Variants in TGS1 observed in about 807,000 individuals in gnomAD.
The protein encoded by TGS1 is trimethylguanosine synthase.
In TGS1, 69 loss-of-function variants were observed where a neutral mutation model predicts 92.2. That is an observed-to-expected ratio of 0.75 (90% CI 0.62 to 0.91). The LOEUF (loss-of-function observed/expected upper bound fraction) is 0.91, where lower values mean the gene tolerates loss of function less well. Among genes scored for constraint, TGS1 ranks in the 40% least tolerant of loss-of-function variants. The pLI is 0.00. For missense variants in TGS1, 1,062 were observed against 1,001.2 expected, an observed-to-expected ratio of 1.06 and a Z score of -0.82; for synonymous variants, 345 against 338.1, an observed-to-expected ratio of 1.02 and a Z score of -0.22.
In TGS1 at chr8:55,824,859, T is replaced by C. The variant is rs1803749184; in HGVS notation, c.*156T>C. The C allele has an allele frequency of 1.3e-6, 1 of 741,690 alleles. No homozygotes were observed. The highest frequency in any genetic ancestry group is 3.1e-5 in the Admixed American group (1 of 31,878). The allele number at this position is 741,690 out of a possible 1,614,324, so 45.9% of individuals were successfully genotyped here. A position where few individuals can be genotyped will look rare whatever the true frequency, so the allele number is the denominator to read the frequency against. ...ACAGGACTTAAATATCAGTGAAATA[T>C]TTTGAGATCTTTGAATAATTCCTTT... On this transcript the variant is annotated 3_prime_UTR_variant, in exon 13 of 13. Coordinates refer to ENST00000260129, the MANE Select transcript of TGS1 (RefSeq NM_024831.8).
At chr8:55,822,484 G>GA (rs1438563837) in intron 12 of TGS1, among the ~76,000 whole-genome samples, 1 of 151,218 alleles carries the variant, frequency 6.6e-6, no homozygotes, top group Non-Finnish European at 1.5e-5. Context: ...TCAACTCAAA[G>GA]AAAAATTATT....
chr8:55,786,588 T>C lies in TGS1; in HGVS notation c.690T>C (p.Phe230=), dbSNP rs1811719938. 2.5e-6 allele frequency: 4 copies of C among 1,614,214 alleles called. No homozygotes were observed. The highest frequency in any genetic ancestry group is 1.7e-6 in the Non-Finnish European group (2 of 1,180,032). Residue 230 remains phenylalanine, a synonymous_variant, in exon 4 of 13, where the codon TTT becomes TTC. Coordinates refer to ENST00000260129, the MANE Select transcript of TGS1 (RefSeq NM_024831.8). ...CACTATCTTCTGAACCTTGGAACTT[T>C]CCTGATACAAAGGAAGAATGGGAGC... ...GQALSSEPWN[F]PDTKEEWEQH...
intron 8 of TGS1, 134 bp downstream of exon 8, chr8:55,799,354 G>A (rs1563460540): frequency 6.0e-6 from 5 of 840,320 alleles, no homozygotes; most frequent in East Asian, 5.3e-5. Flanking sequence ...AGTGAGAGAA[G>A]GCATATTAAG....
chr8:55,810,995 C>A lies in TGS1; in HGVS notation c.2258C>A (p.Ser753Tyr), dbSNP rs1280575863. The A allele has an allele frequency of 1.1e-5, 18 of 1,614,012 alleles. No homozygotes were observed. The highest frequency in any genetic ancestry group is 1.5e-5 in the Non-Finnish European group (18 of 1,180,028). ...FICGDFLLLA[S>Y]FLKADVVFLS... ...TGTGGAGATTTCTTGCTGCTGGCTT[C>A]TTTTTTAAAGGCTGATGTTGTGTTC... Residue 753 changes from serine to tyrosine, a missense_variant, in exon 11 of 13, where the codon TCT (serine) becomes TAT (tyrosine). Ser to Tyr is a moderately radical substitution (Grantham distance 144). Transcript: ENST00000260129.
intron 12 of TGS1, among the ~76,000 whole-genome samples, chr8:55,819,781 T>G (rs896602418): frequency 1.3e-5 from 2 of 152,254 alleles, no homozygotes; most frequent in Non-Finnish European, 2.9e-5. Flanking sequence ...AAATATTTTC[T>G]TCTTTCACCT....
At chr8:55,809,069 C>T (rs1168761449) in intron 10 of TGS1, among the ~76,000 whole-genome samples, 3 of 152,176 alleles carry the variant, frequency 2.0e-5, no homozygotes, top group South Asian at 2.1e-4. Context: ...TGCTTATATA[C>T]ACATTCATAT....
chr8:55,789,405 GT>G lies in TGS1; in HGVS notation c.1163-776del, dbSNP rs144455551. 3.5e-3 allele frequency among the ~76,000 whole-genome samples: 539 copies of G among 152,268 alleles called. 6 individuals are homozygous for G. Among genetic ancestry groups the G allele is most frequent in the African/African-American group, 0.012 (495 of 41,558 alleles). On this transcript the variant is annotated intron_variant, in intron 4 of 12. Coordinates refer to ENST00000260129, the MANE Select transcript of TGS1 (RefSeq NM_024831.8). ...TGAAGAGAAATTCTTCTTAATCAAT[GT>G]GATTATGCCCCCTTTACGGTCATTT...
At position 55,785,515 on chromosome 8, in the gene TGS1, T is replaced by C. The variant is rs530184362; in HGVS notation, c.167-204T>C. ...GGGAGTTCAGAGCTTTTTAGTGCAT[T>C]ATGATCACACCTGCAGATAGCCCTT... On this transcript the variant is annotated intron_variant, in intron 2 of 12. Transcript: ENST00000260129. 3.3e-3 allele frequency among the ~76,000 whole-genome samples: 499 copies of C among 152,168 alleles called. 3 individuals carry two copies. Among genetic ancestry groups the C allele is most frequent in the South Asian group, 0.013 (63 of 4,818 alleles).
chr8:55,815,905 C>T (rs1803459497), intron 12 of TGS1, among the ~76,000 whole-genome samples: 1 of 151,262 alleles, frequency 6.6e-6, no homozygotes, highest in African/African-American at 2.4e-5. Context: ...GCTGTTGAAA[C>T]CCAAGGACTA....
intron 12 of TGS1, among the ~76,000 whole-genome samples, chr8:55,822,705 A>T (rs1354412127): frequency 6.6e-6 from 1 of 151,518 alleles, no homozygotes; most frequent in Non-Finnish European, 1.5e-5. Flanking sequence ...ACAAAAAAAA[A>T]TAGTGGGGGG....
Position 55,790,212 on chromosome 8 carries a change from G to T in TGS1, c.1193G>T (p.Ser398Ile). 2 of 1,614,062 alleles carry T rather than the reference G, an allele frequency of 1.2e-6. No individual in the cohort carries two copies. The highest frequency in any genetic ancestry group is 1.7e-6 in the Non-Finnish European group (2 of 1,179,946). ...DSQKSSGANTSKDRPHASGTD... is the reference protein window; with the variant it reads ...DSQKSSGANTIKDRPHASGTD... ...CAGAAGTCTTCAGGAGCAAACACAA[G>T]CAAAGACAGACCACATGCCAGTGGT... is the stretch of plus-strand genomic sequence containing the variant. The change falls in exon 5 of 13, where the codon AGC becomes ATC. Residue 398 changes from serine (S) to isoleucine (I), a missense_variant. Coordinates refer to ENST00000260129, the MANE Select transcript of TGS1 (RefSeq NM_024831.8).
At chr8:55,774,537 A>C (rs1811326203) in intron 1 of TGS1, among the ~76,000 whole-genome samples, 1 of 152,238 alleles carries the variant, frequency 6.6e-6, no homozygotes, top group Admixed American at 6.5e-5. Context: ...TAAACTTGTT[A>C]AATTTAATGT....
chr8:55,814,090 G>A (rs1803407293), intron 12 of TGS1, among the ~76,000 whole-genome samples: 2 of 152,084 alleles, frequency 1.3e-5, no homozygotes, highest in Admixed American at 6.6e-5. Flanking sequence ...TGGGACCACA[G>A]GTACACAGCA....
intron 12 of TGS1, 97 bp from the exon 13 acceptor site, chr8:55,824,483 GC>G: frequency 6.6e-7 from 1 of 1,504,672 alleles, no homozygotes; most frequent in Non-Finnish European, 9.0e-7. Context: ...GGACTTAAAA[GC>G]CAGAGTCTTC....
chr8:55,821,980 TAGAC>T (rs1231017176), intron 12 of TGS1, among the ~76,000 whole-genome samples: 4 of 113,354 alleles, frequency 3.5e-5, no homozygotes, highest in South Asian at 5.8e-4. Flanking sequence ...TTTAGGGAGA[TAGAC>T]AGTATTCATA....
chr8:55,811,100 A>ACT lies in TGS1; in HGVS notation c.2360+3_2360+4insCT. 6.4e-7 allele frequency: 1 copy of ACT among 1,561,286 alleles called. No homozygotes were observed. Among genetic ancestry groups the ACT allele is most frequent in the Non-Finnish European group, 8.7e-7 (1 of 1,148,284 alleles). ...AGAACAATGATGTCTCCTGATGGATATCCTTTGGAAGTCTTAAGAGTTTAC... is the reference window on the plus strand; with the variant it reads ...AGAACAATGATGTCTCCTGATGGATACTTCCTTTGGAAGTCTTAAGAGTTTAC... On this transcript the variant is annotated splice_donor_region_variant and intron_variant, in intron 11 of 12. Coordinates refer to ENST00000260129, the MANE Select transcript of TGS1 (RefSeq NM_024831.8).
At chr8:55,783,517 TC>T (rs1811626894) in intron 2 of TGS1, among the ~76,000 whole-genome samples, 1 of 152,156 alleles carries the variant, frequency 6.6e-6, no homozygotes, top group South Asian at 2.1e-4. Flanking sequence ...GGATAAAAAT[TC>T]CAGGTGAACA....
chr8:55,805,623 C>T (rs970693575), intron 10 of TGS1, among the ~76,000 whole-genome samples: 1 of 151,988 alleles, frequency 6.6e-6, no homozygotes, highest in African/African-American at 2.4e-5. Flanking sequence ...TAGTGGCTTA[C>T]CCCTGTAATC....
chr8:55,786,509 A>C lies in TGS1; in HGVS notation c.611A>C (p.Glu204Ala). The C allele has an allele frequency of 6.2e-7, 1 of 1,614,080 alleles. No homozygotes were observed. The highest frequency in any genetic ancestry group is 2.2e-5 in the East Asian group (1 of 44,882). ...ITEKWEKYWN[E>A]YGGGLLWQSW... ...GAGAAATGGGAAAAGTATTGGAATG[A>C]ATATGGAGGAGGACTATTGTGGCAA... Residue 204 changes from glutamate to alanine, a missense_variant, in exon 4 of 13, where the codon GAA (glutamate) becomes GCA (alanine). By Grantham distance (107) the Glu-to-Ala change is moderately radical. Transcript: ENST00000260129.
Sources: allele counts gnomAD v4.1 joint callset (sites outside exome capture counted in the v4.1 genomes callset), GRCh38; gene constraint gnomAD v4.1.1; transcripts MANE v1.5; gene names NCBI Gene and HGNC (gene_info 2026-07-23, HGNC 2026-07-21).